RORB: variants seen among roughly 807,000 people sequenced by gnomAD.
The protein encoded by RORB is RAR related orphan receptor B, also known as nuclear receptor ROR-beta.
Under a neutral mutation model 59.1 loss-of-function variants are expected in RORB, and 6 were observed. The observed-to-expected ratio is 0.10, with a 90% CI of 0.06 to 0.20. RORB has a LOEUF of 0.20. Ranked by LOEUF, RORB falls within the 10% of genes least tolerant of loss-of-function variation. The pLI is 1.00. For missense variants in RORB, 320 were observed against 560.5 expected (o/e 0.57, Z 4.33); for synonymous variants, 215 against 204.5 (o/e 1.05, Z -0.44).
At chr9:74,613,023 C>T (rs1823255830) in intron 1 of RORB, among the ~76,000 whole-genome samples, 1 of 152,126 alleles carries the variant, frequency 6.6e-6, no homozygotes, top group African/African-American at 2.4e-5. Context: ...TGAGCTTCAT[C>T]ACATTTATTT....
chr9:74,541,255 G>C (rs1826401445), intron 1 of RORB, among the ~76,000 whole-genome samples: 1 of 103,474 alleles, frequency 9.7e-6, no homozygotes, highest in Admixed American at 1.3e-4. Context: ...TCTCCAGCCT[G>C]GGCAACAGAA....
At chr9:74,675,336 A>G (rs1824420439) in intron 9 of RORB, among the ~76,000 whole-genome samples, 1 of 150,494 alleles carries the variant, frequency 6.6e-6, no homozygotes, top group Non-Finnish European at 1.5e-5. Context: ...TATATATAAA[A>G]TAAATATACA....
chr9:74,653,142 A>C (rs1483510488), intron 4 of RORB, among the ~76,000 whole-genome samples: 1 of 152,216 alleles, frequency 6.6e-6, no homozygotes, highest in Non-Finnish European at 1.5e-5. Context: ...TTGTGTGTGC[A>C]TTTGGTTAAA....
At chr9:74,524,282 G>T (rs140784918) in intron 1 of RORB, among the ~76,000 whole-genome samples, 17 of 151,762 alleles carry the variant, frequency 1.1e-4, no homozygotes, top group African/African-American at 3.9e-4. Context: ...AACAGTTAAG[G>T]TCAGTCAAAG....
At chr9:74,655,449 A>G (rs891605105) in intron 4 of RORB, among the ~76,000 whole-genome samples, 38 of 152,218 alleles carry the variant, frequency 2.5e-4, no homozygotes, top group African/African-American at 8.2e-4. Context: ...CTGAGCTGAA[A>G]ACAGCTGCAA....
At chr9:74,498,269 T>C (rs1825741678) in intron 1 of RORB, 4 of 470,992 alleles carry the variant, frequency 8.5e-6, no homozygotes, top group Admixed American at 3.3e-5. Context: ...TGAATCTTTT[T>C]TGCTTGTCGC....
intron 4 of RORB, among the ~76,000 whole-genome samples, chr9:74,645,077 A>G (rs889732197): frequency 6.6e-6 from 1 of 152,202 alleles, no homozygotes; most frequent in Non-Finnish European, 1.5e-5. Flanking sequence ...ATCTTTAAAT[A>G]TGTTTCAAAT....
At chr9:74,500,424 A>G (rs541244424) in intron 1 of RORB, among the ~76,000 whole-genome samples, 1 of 152,288 alleles carries the variant, frequency 6.6e-6, no homozygotes, top group South Asian at 2.1e-4. Flanking sequence ...AGTGAACTTG[A>G]GAAGTGAAAG....
intron 1 of RORB, among the ~76,000 whole-genome samples, chr9:74,552,902 A>G (rs1826634827): frequency 6.6e-6 from 1 of 152,186 alleles, no homozygotes; most frequent in African/African-American, 2.4e-5. Context: ...CTGTCTGAAG[A>G]TCTGAATCAA....
chr9:74,659,119 C>T (rs909584018), intron 4 of RORB, among the ~76,000 whole-genome samples: 5 of 152,144 alleles, frequency 3.3e-5, no homozygotes, highest in Non-Finnish European at 5.9e-5. Flanking sequence ...TAAGGATAAC[C>T]GGGGCTACCA....
chr9:74,500,311 G>A (rs1825789160), intron 1 of RORB, among the ~76,000 whole-genome samples: 1 of 152,054 alleles, frequency 6.6e-6, no homozygotes, highest in Admixed American at 6.5e-5. Flanking sequence ...TATTTTCCCC[G>A]GACAGTGCCC....
intron 7 of RORB, 130 bp from the exon 8 acceptor site, chr9:74,667,661 T>G (rs879812465): frequency 1.2e-5 from 7 of 577,866 alleles, no homozygotes; most frequent in Non-Finnish European, 1.8e-5. Flanking sequence ...AATTAGAAAC[T>G]TAAAAAAATA....
intron 2 of RORB, among the ~76,000 whole-genome samples, chr9:74,631,048 C>A (rs1823609914): frequency 1.3e-5 from 2 of 152,194 alleles, no homozygotes; most frequent in South Asian, 4.1e-4. Flanking sequence ...CAGTCTCAAT[C>A]CAGTGTTCCA....
chr9:74,580,519 G>A (rs1822706298), intron 1 of RORB, among the ~76,000 whole-genome samples: 1 of 152,144 alleles, frequency 6.6e-6, no homozygotes, highest in Non-Finnish European at 1.5e-5. Context: ...TACACTAATT[G>A]ATGGTGGCTA....
intron 1 of RORB, among the ~76,000 whole-genome samples, chr9:74,515,014 A>G (rs1825989063): frequency 6.6e-6 from 1 of 150,546 alleles, no homozygotes; most frequent in Non-Finnish European, 1.5e-5. Flanking sequence ...GTCATTGAAA[A>G]TTCAAATTAA....
chr9:74,661,811 A>G (rs1395960783), intron 5 of RORB, among the ~76,000 whole-genome samples: 1 of 151,394 alleles, frequency 6.6e-6, no homozygotes, highest in Non-Finnish European at 1.5e-5. Flanking sequence ...ACGCCCAGCT[A>G]ATTTTTTGTA....
chr9:74,645,065 A>G (rs1306218737), intron 4 of RORB, among the ~76,000 whole-genome samples: 1 of 152,158 alleles, frequency 6.6e-6, no homozygotes, highest in Non-Finnish European at 1.5e-5. Context: ...TAGTCTTTAG[A>G]TATCTTTAAA....
chr9:74,602,786 T>C (rs1823088032), intron 1 of RORB, among the ~76,000 whole-genome samples: 1 of 152,236 alleles, frequency 6.6e-6, no homozygotes, highest in Admixed American at 6.5e-5. Context: ...TGGTTTCATT[T>C]ATAAATGGTG....
chr9:74,503,328 G>T (rs1206117362), intron 1 of RORB, among the ~76,000 whole-genome samples: 1 of 151,986 alleles, frequency 6.6e-6, no homozygotes, highest in Non-Finnish European at 1.5e-5. Context: ...AGCAGTCTTT[G>T]GAGGCGTCTG....
Sources: allele counts gnomAD v4.1 joint callset (sites outside exome capture counted in the v4.1 genomes callset), GRCh38; gene constraint gnomAD v4.1.1; transcripts MANE v1.5; gene names NCBI Gene and HGNC (gene_info 2026-07-23, HGNC 2026-07-21).